LRP1B: variants seen among roughly 807,000 people sequenced by gnomAD.
The protein encoded by LRP1B is low-density lipoprotein receptor-related protein 1B.
Under a neutral mutation model 556.6 loss-of-function variants are expected in LRP1B, and 217 were observed. The observed-to-expected ratio is 0.39, with a 90% CI of 0.35 to 0.44. The LOEUF (loss-of-function observed/expected upper bound fraction) is 0.44, where lower values mean the gene tolerates loss of function less well. Ranked by LOEUF, LRP1B falls within the 20% of genes least tolerant of loss-of-function variation. The probability of loss-of-function intolerance (pLI) is 1.00; values close to 1 mark genes in which losing one functional copy is unlikely to be tolerated. For missense variants in LRP1B, 5,053 were observed against 5,620.8 expected (o/e 0.90, Z 3.23); for synonymous variants, 2,047 against 1,865.8 (o/e 1.10, Z -2.50).
chr2:140,364,484 C>A (rs990313042), intron 72 of LRP1B, among the ~76,000 whole-genome samples, 177 bp downstream of exon 72: 1 of 151,580 alleles, frequency 6.6e-6, no homozygotes, highest in South Asian at 2.1e-4. Flanking sequence ...AAAGTCATAA[C>A]TTCGGAACCG....
chr2:141,596,981 A>T (rs1329638890), intron 2 of LRP1B, among the ~76,000 whole-genome samples: 3 of 151,548 alleles, frequency 2.0e-5, no homozygotes, highest in South Asian at 2.1e-4. Context: ...ATATATATGT[A>T]AAAAAAAGTC....
intron 7 of LRP1B, among the ~76,000 whole-genome samples, chr2:141,149,128 GA>G (rs1701858129): frequency 6.6e-6 from 1 of 152,088 alleles, no homozygotes; most frequent in Non-Finnish European, 1.5e-5. Context: ...ATGTTCAAGA[GA>G]AATGTAACTT....
At chr2:141,281,903 A>G (rs1347036812) in intron 3 of LRP1B, among the ~76,000 whole-genome samples, 1 of 152,114 alleles carries the variant, frequency 6.6e-6, no homozygotes, top group East Asian at 1.9e-4. Flanking sequence ...CTAAACCGTA[A>G]AGTGATCATA....
chr2:141,555,045 G>A (rs925883809), intron 2 of LRP1B, among the ~76,000 whole-genome samples: 3 of 151,940 alleles, frequency 2.0e-5, no homozygotes, highest in Non-Finnish European at 4.4e-5. Flanking sequence ...GTCCCAAAGG[G>A]GAAGATGCCC....
At chr2:142,061,929 C>G (rs914263107) in intron 1 of LRP1B, among the ~76,000 whole-genome samples, 2 of 151,862 alleles carry the variant, frequency 1.3e-5, no homozygotes, top group African/African-American at 4.8e-5. Flanking sequence ...AACTTGTACC[C>G]TGGTGAATGT....
intron 35 of LRP1B, among the ~76,000 whole-genome samples, chr2:140,734,546 T>G (rs1463118168): frequency 6.6e-6 from 1 of 152,204 alleles, no homozygotes; most frequent in African/African-American, 2.4e-5. Flanking sequence ...ACAGCTACAA[T>G]GATCAACCAT....
intron 2 of LRP1B, among the ~76,000 whole-genome samples, chr2:141,594,260 A>C (rs528938565): frequency 6.6e-6 from 1 of 152,044 alleles, no homozygotes; most frequent in Non-Finnish European, 1.5e-5. Context: ...GTGTGTGCCT[A>C]ATTCTTCCTG....
intron 7 of LRP1B, among the ~76,000 whole-genome samples, chr2:141,127,035 G>A (rs754685828): frequency 2.6e-4 from 37 of 144,818 alleles, no homozygotes; most frequent in Non-Finnish European, 2.3e-4. Flanking sequence ...ATAGGCCCCA[G>A]TGTGTGATGT....
At chr2:142,111,803 T>C in intron 1 of LRP1B, among the ~76,000 whole-genome samples, 1 of 152,126 alleles carries the variant, frequency 6.6e-6, no homozygotes, top group Admixed American at 6.6e-5. Context: ...ACATTATTAC[T>C]AATACTGCTA....
intron 3 of LRP1B, among the ~76,000 whole-genome samples, chr2:141,439,152 G>A (rs1256722473): frequency 6.6e-6 from 1 of 152,106 alleles, no homozygotes; most frequent in Non-Finnish European, 1.5e-5. Context: ...TTTGCCTTAA[G>A]AGCGAAGTGA....
In LRP1B at chr2:141,043,950, T is replaced by C. The variant is rs569358451; in HGVS notation, c.1789+5036A>G. 6.6e-3 allele frequency among the ~76,000 whole-genome samples: 999 copies of C among 151,956 alleles called. 15 individuals carry two copies. The highest frequency in any genetic ancestry group is 0.01 in the Non-Finnish European group (693 of 67,886). On this transcript the variant is annotated intron_variant, in intron 11 of 90. Coordinates refer to ENST00000389484, the MANE Select transcript of LRP1B (RefSeq NM_018557.3). Reference sequence around the variant, plus strand: ...AGTTCATATGGAACCAAAAAAGAGCTCGCATCACCAAGTCCATCCTAAGCC... The same window carrying C: ...AGTTCATATGGAACCAAAAAAGAGCCCGCATCACCAAGTCCATCCTAAGCC...
rs1205488998 is a variant in LRP1B at position 140,369,020 on chromosome 2, ACT to A, written c.11008+1688_11008+1689del. ...GAAATGATTGAATTAAAGGCTCTCAACTCTTTTTCAGTCATTAAGATTAAATA... is the reference window on the plus strand; with the variant it reads ...GAAATGATTGAATTAAAGGCTCTCAACTTTTTCAGTCATTAAGATTAAATA... On this transcript the variant is annotated intron_variant, in intron 71 of 90. Transcript: ENST00000389484. Among the ~76,000 whole-genome samples, 9 of 151,846 alleles carry A rather than the reference ACT, an allele frequency of 5.9e-5. No individual in the cohort carries two copies. The East Asian group carries it at 1.8e-3, about 30-fold the overall frequency.
At chr2:141,129,899 A>G (rs1701306943) in intron 7 of LRP1B, among the ~76,000 whole-genome samples, 1 of 150,844 alleles carries the variant, frequency 6.6e-6, no homozygotes, top group East Asian at 1.9e-4. Flanking sequence ...AATAAGCTGT[A>G]ATCAACAGAG....
At chr2:141,138,582 T>G (rs1244221555) in intron 7 of LRP1B, among the ~76,000 whole-genome samples, 2 of 151,876 alleles carry the variant, frequency 1.3e-5, no homozygotes, top group African/African-American at 2.4e-5. Context: ...AATGTCATTT[T>G]TTTTTTTACT....
intron 2 of LRP1B, among the ~76,000 whole-genome samples, chr2:141,599,243 C>T (rs1271775569): frequency 6.6e-6 from 1 of 151,900 alleles, no homozygotes; most frequent in Admixed American, 6.6e-5. Context: ...TGAAAAACAG[C>T]ATTAGAGGTA....
intron 43 of LRP1B, among the ~76,000 whole-genome samples, chr2:140,585,346 T>A (rs959230430): frequency 3.9e-5 from 6 of 152,102 alleles, no homozygotes; most frequent in African/African-American, 1.4e-4. Flanking sequence ...ACAACAGGTC[T>A]TATATCTAAG....
chr2:142,077,341 C>T (rs1335303756), intron 1 of LRP1B, among the ~76,000 whole-genome samples: 3 of 152,038 alleles, frequency 2.0e-5, no homozygotes, highest in Non-Finnish European at 4.4e-5. Context: ...CTTTGCATTG[C>T]TGAGCATTCT....
At chr2:141,337,952 A>T (rs142265591) in intron 3 of LRP1B, among the ~76,000 whole-genome samples, 1,783 of 152,192 alleles carry the variant, frequency 0.012, 23 homozygotes, top group Middle Eastern at 0.02. Flanking sequence ...ATATTTTCCG[A>T]ATGATGTTAT....
At chr2:141,698,216 T>C (rs960611243) in intron 2 of LRP1B, among the ~76,000 whole-genome samples, 2 of 151,688 alleles carry the variant, frequency 1.3e-5, no homozygotes, top group Non-Finnish European at 2.9e-5. Context: ...TTCTGTGGAG[T>C]ATAGAACCTC....
Sources: allele counts gnomAD v4.1 joint callset (sites outside exome capture counted in the v4.1 genomes callset), GRCh38; gene constraint gnomAD v4.1.1; transcripts MANE v1.5; gene names NCBI Gene and HGNC (gene_info 2026-07-23, HGNC 2026-07-21).